MME: variants seen among roughly 807,000 people sequenced by gnomAD.
MME encodes neprilysin.
In MME, 98 loss-of-function variants were observed where a neutral mutation model predicts 113.2. The ratio of observed to expected loss-of-function variants is 0.87; its 90% confidence interval spans 0.74 to 1.02. The LOEUF is 1.02. Ranked by LOEUF, MME falls within the 50% of genes least tolerant of loss-of-function variation. The probability of loss-of-function intolerance (pLI) is 0.00; values close to 1 mark genes in which losing one functional copy is unlikely to be tolerated. For missense variants in MME, 836 were observed against 896.0 expected, an observed-to-expected ratio of 0.93 and a Z score of 0.86; for synonymous variants, 292 against 300.6, an observed-to-expected ratio of 0.97 and a Z score of 0.30.
chr3:155,072,048 C>T (rs1576683063), intron 1 of MME, among the ~76,000 whole-genome samples: 1 of 151,492 alleles, frequency 6.6e-6, no homozygotes, highest in Non-Finnish European at 1.5e-5. Context: ...GTAGTCCCAG[C>T]TACTGGGGAG....
intron 16 of MME, among the ~76,000 whole-genome samples, chr3:155,157,115 G>C (rs1347831781): frequency 1.3e-5 from 2 of 152,020 alleles, no homozygotes; most frequent in African/African-American, 4.8e-5. Context: ...GCTCAGCTTT[G>C]AGGGCCATAC....
intron 8 of MME, among the ~76,000 whole-genome samples, chr3:155,132,846 G>A (rs1720243986): frequency 6.6e-6 from 1 of 151,426 alleles, no homozygotes; most frequent in Non-Finnish European, 1.5e-5. Flanking sequence ...CTGGGGTCAG[G>A]AGTTCAAGAC....
intron 16 of MME, among the ~76,000 whole-genome samples, chr3:155,154,716 A>G (rs1413317612): frequency 6.6e-6 from 1 of 152,214 alleles, no homozygotes; most frequent in Non-Finnish European, 1.5e-5. Flanking sequence ...TAAGTTCTGT[A>G]TAGTTCAACT....
chr3:155,042,917 T>C (rs866899490), intron 1 of MME, among the ~76,000 whole-genome samples: 11 of 51,044 alleles, frequency 2.2e-4, no homozygotes, highest in Non-Finnish European at 3.4e-4. Flanking sequence ...TATATATATA[T>C]ATATATATAT....
chr3:155,063,525 TA>T (rs1273896560), intron 1 of MME, among the ~76,000 whole-genome samples: 6 of 115,016 alleles, frequency 5.2e-5, no homozygotes, highest in South Asian at 2.4e-4. Context: ...ATATATATAT[TA>T]AAAATATATA....
At chr3:155,125,444 C>CT (rs1165027340) in intron 8 of MME, among the ~76,000 whole-genome samples, 3,575 of 65,234 alleles carry the variant, frequency 0.055, 966 homozygotes, top group African/African-American at 0.12. Flanking sequence ...GCTCCTCCTC[C>CT]TTTTTTTTTT....
intron 3 of MME, among the ~76,000 whole-genome samples, chr3:155,110,440 C>T (rs1360894902): frequency 2.0e-5 from 3 of 152,228 alleles, no homozygotes; most frequent in Non-Finnish European, 2.9e-5. Context: ...AATCCATACA[C>T]ACACAATAGA....
chr3:155,146,959 G>A (rs1721563188), intron 14 of MME, among the ~76,000 whole-genome samples, 185 bp from the exon 15 acceptor site: 1 of 152,110 alleles, frequency 6.6e-6, no homozygotes, highest in African/African-American at 2.4e-5. Flanking sequence ...TTTCAGACCT[G>A]ATTTTCATTT....
intron 9 of MME, among the ~76,000 whole-genome samples, chr3:155,139,035 A>G (rs1302942779): frequency 1.3e-5 from 2 of 152,040 alleles, no homozygotes; most frequent in African/African-American, 4.8e-5. Context: ...AAGAGTTAAG[A>G]TCATGGAGGG....
At chr3:155,129,310 A>G (rs181119269) in intron 8 of MME, among the ~76,000 whole-genome samples, 2 of 152,256 alleles carry the variant, frequency 1.3e-5, no homozygotes, top group East Asian at 1.9e-4. Flanking sequence ...CCTTTATCAG[A>G]TTATTAACTC....
At chr3:155,054,771 C>T (rs1490520793) in intron 1 of MME, among the ~76,000 whole-genome samples, 2 of 152,196 alleles carry the variant, frequency 1.3e-5, no homozygotes, top group African/African-American at 2.4e-5. Context: ...GAGCCAAGAT[C>T]ACACCATTGC....
At position 155,143,523 on chromosome 3, in the gene MME, G is replaced by T; in HGVS notation, c.1269G>T (p.Val423=). The change falls in exon 13 of 23, where the codon GTG becomes GTT. Residue 423 remains valine, a synonymous_variant. Coordinates refer to ENST00000360490, the MANE Select transcript of MME (RefSeq NM_007289.4). ...NYVNGNMENA[V]GRLYVEAAFA... Reference sequence around the variant, plus strand: ...TCAATGGGAATATGGAAAATGCTGTGGGGAGGCTTTATGTGGAAGCAGCAT... The same window carrying T: ...TCAATGGGAATATGGAAAATGCTGTTGGGAGGCTTTATGTGGAAGCAGCAT... The T allele has an allele frequency of 6.2e-7, 1 of 1,612,774 alleles. No individual in the cohort carries two copies. The highest frequency in any genetic ancestry group is 8.5e-7 in the Non-Finnish European group (1 of 1,179,004).
At chr3:155,112,993 A>G (rs1200622925) in intron 3 of MME, among the ~76,000 whole-genome samples, 1 of 152,214 alleles carries the variant, frequency 6.6e-6, no homozygotes, top group Non-Finnish European at 1.5e-5. Flanking sequence ...TCAGGAGTCA[A>G]GAGAAATATT....
intron 3 of MME, among the ~76,000 whole-genome samples, chr3:155,101,678 C>T (rs1213836491): frequency 6.6e-6 from 1 of 152,132 alleles, no homozygotes; most frequent in Non-Finnish European, 1.5e-5. Flanking sequence ...ACTGAAGTTT[C>T]CTTGGATCAA....
chr3:155,087,654 A>T (rs1715881620), intron 3 of MME, among the ~76,000 whole-genome samples: 1 of 152,142 alleles, frequency 6.6e-6, no homozygotes, highest in Non-Finnish European at 1.5e-5. Context: ...TACACTTGAC[A>T]TGTCTCTTTG....
chr3:155,090,522 A>G (rs1192761377), intron 3 of MME: 2 of 152,202 alleles, frequency 1.3e-5, no homozygotes, highest in African/African-American at 2.4e-5. Flanking sequence ...CAGCATCACT[A>G]TTCTTATGGT....
At chr3:155,066,990 C>T (rs1714400298) in intron 1 of MME, among the ~76,000 whole-genome samples, 2 of 152,118 alleles carry the variant, frequency 1.3e-5, no homozygotes, top group South Asian at 4.1e-4. Flanking sequence ...CATTAGAACG[C>T]ATAGCATGTT....
At chr3:155,089,741 G>T (rs1424896978) in intron 3 of MME, 2 of 354,420 alleles carry the variant, frequency 5.6e-6, no homozygotes, top group Non-Finnish European at 1.2e-5. Flanking sequence ...ACTTTGGGAG[G>T]CCAAGGCGGG....
At chr3:155,068,274 A>C (rs1170664281) in intron 1 of MME, among the ~76,000 whole-genome samples, 4 of 152,232 alleles carry the variant, frequency 2.6e-5, no homozygotes, top group Non-Finnish European at 5.9e-5. Context: ...TTGCCTAAGA[A>C]TAAGAGATAG....
Sources: allele counts gnomAD v4.1 joint callset (sites outside exome capture counted in the v4.1 genomes callset), GRCh38; gene constraint gnomAD v4.1.1; transcripts MANE v1.5; gene names NCBI Gene and HGNC (gene_info 2026-07-23, HGNC 2026-07-21).